Variants in FSTL4 observed in about 807,000 individuals in gnomAD.
FSTL4 encodes follistatin-related protein 4.
Under a neutral mutation model 78.2 loss-of-function variants are expected in FSTL4, and 28 were observed. The observed-to-expected ratio is 0.36, with a 90% CI of 0.27 to 0.49. FSTL4 has a LOEUF of 0.49. Ranked by LOEUF, FSTL4 falls within the 20% of genes least tolerant of loss-of-function variation. The pLI is 0.98. For missense variants in FSTL4, 922 were observed against 1,084.9 expected (o/e 0.85, Z 2.11); for synonymous variants, 422 against 440.5 (o/e 0.96, Z 0.53).
intron 7 of FSTL4, among the ~76,000 whole-genome samples, chr5:133,237,026 G>T (rs1445588631): frequency 6.6e-6 from 1 of 152,204 alleles, no homozygotes; most frequent in Non-Finnish European, 1.5e-5. Flanking sequence ...GGACTGTACA[G>T]GGCACCGAGC....
chr5:133,260,210 A>G (rs1752486329), intron 6 of FSTL4, among the ~76,000 whole-genome samples: 1 of 152,136 alleles, frequency 6.6e-6, no homozygotes. Flanking sequence ...CCCCTACTGC[A>G]TCCCTTCACC....
At chr5:133,599,229 G>A (rs1415894694) in intron 2 of FSTL4, among the ~76,000 whole-genome samples, 3 of 152,310 alleles carry the variant, frequency 2.0e-5, no homozygotes, top group South Asian at 2.1e-4. Context: ...AAGGCGGAAC[G>A]AAGCCACGGA....
chr5:133,555,622 A>T (rs2112932644), intron 3 of FSTL4, among the ~76,000 whole-genome samples: 2 of 152,300 alleles, frequency 1.3e-5, no homozygotes, highest in South Asian at 4.2e-4. Context: ...AAGGGGAAAA[A>T]AGTAATATGC....
intron 4 of FSTL4, among the ~76,000 whole-genome samples, chr5:133,318,784 T>C (rs1484672569): frequency 6.6e-5 from 10 of 152,222 alleles, no homozygotes; most frequent in Non-Finnish European, 1.3e-4. Context: ...TGCCCCATCC[T>C]TGCAGATCCC....
intron 3 of FSTL4, among the ~76,000 whole-genome samples, chr5:133,559,016 C>A (rs1190337645): frequency 6.6e-6 from 1 of 152,152 alleles, no homozygotes; most frequent in African/African-American, 2.4e-5. Context: ...ACAACACAAT[C>A]TTAAAATAAT....
chr5:133,600,978 C>T (rs1414851082), intron 2 of FSTL4, among the ~76,000 whole-genome samples: 1 of 152,196 alleles, frequency 6.6e-6, no homozygotes, highest in Non-Finnish European at 1.5e-5. Flanking sequence ...ATGGTTTGGA[C>T]TGTGAGTTAT....
chr5:133,253,835 C>T (rs376494306), intron 6 of FSTL4, among the ~76,000 whole-genome samples: 1 of 152,172 alleles, frequency 6.6e-6, no homozygotes, highest in Non-Finnish European at 1.5e-5. Flanking sequence ...CAGTCTTGAC[C>T]CTGCTGTGTC....
In FSTL4 at chr5:133,557,506, G is replaced by A. The variant is rs147313140; in HGVS notation, c.160+9680C>T. 7.9e-5 allele frequency among the ~76,000 whole-genome samples: 12 copies of A among 152,294 alleles called. No individual in the cohort carries two copies. In the East Asian group the frequency reaches 1.3e-3, roughly 17 times the overall value. On this transcript the variant is annotated intron_variant, in intron 3 of 15. Coordinates refer to ENST00000265342, the MANE Select transcript of FSTL4 (RefSeq NM_015082.2). ...CTCACTTCATGATATCCTGACCAGC[G>A]GTATGGCTGGTGACTTCAGGAAACC...
At chr5:133,555,948 C>T (rs1187504753) in intron 3 of FSTL4, among the ~76,000 whole-genome samples, 1 of 152,158 alleles carries the variant, frequency 6.6e-6, no homozygotes, top group African/African-American at 2.4e-5. Flanking sequence ...CCCCACAACG[C>T]ATTGCCCAGA....
At chr5:133,405,167 C>T (rs567180845) in intron 3 of FSTL4, among the ~76,000 whole-genome samples, 8 of 152,346 alleles carry the variant, frequency 5.3e-5, no homozygotes, top group African/African-American at 1.9e-4. Flanking sequence ...GTCAGTGCCC[C>T]CAGCACACGA....
At chr5:133,822,844 T>C in the FSTL4 span, among the ~76,000 whole-genome samples, 1 of 152,206 alleles carries the variant, frequency 6.6e-6, no homozygotes, top group Non-Finnish European at 1.5e-5. Context: ...GAGGTAATTC[T>C]GCCAGAAGTC....
chr5:133,771,842 C>T, the FSTL4 span, among the ~76,000 whole-genome samples: 93 of 152,252 alleles, frequency 6.1e-4, no homozygotes, highest in African/African-American at 1.6e-3. Flanking sequence ...ATCAGATGAA[C>T]CTGCAAACAA....
chr5:133,221,915 T>TG (rs1561626879), intron 11 of FSTL4, among the ~76,000 whole-genome samples: 15 of 135,616 alleles, frequency 1.1e-4, no homozygotes, highest in African/African-American at 4.3e-4. Context: ...TTTTTTTTTT[T>TG]TTTTTTTTTT....
At chr5:133,401,965 C>T (rs1205673240) in intron 3 of FSTL4, among the ~76,000 whole-genome samples, 2 of 151,900 alleles carry the variant, frequency 1.3e-5, no homozygotes, top group African/African-American at 2.4e-5. Context: ...AGGGAGGAAA[C>T]GTGGCATAAG....
At chr5:133,358,596 T>C (rs886368857) in intron 4 of FSTL4, among the ~76,000 whole-genome samples, 16 of 146,894 alleles carry the variant, frequency 1.1e-4, no homozygotes, top group African/African-American at 2.0e-4. Flanking sequence ...TATTTCTTTT[T>C]TTTTTTTTTT....
At chr5:133,475,948 G>C (rs1283089812) in intron 3 of FSTL4, among the ~76,000 whole-genome samples, 1 of 152,144 alleles carries the variant, frequency 6.6e-6, no homozygotes, top group East Asian at 1.9e-4. Context: ...AGAGGAGTCT[G>C]GGCGAATAAG....
intron 3 of FSTL4, among the ~76,000 whole-genome samples, chr5:133,435,221 G>A (rs976863844): frequency 3.3e-5 from 5 of 152,086 alleles, no homozygotes; most frequent in African/African-American, 4.8e-5. Context: ...GATTTTATGT[G>A]TTTTATTTAA....
At chr5:133,839,705 G>A in the FSTL4 span, among the ~76,000 whole-genome samples, 27 of 152,336 alleles carry the variant, frequency 1.8e-4, no homozygotes, top group Middle Eastern at 3.4e-3. Context: ...CCTTATGGGA[G>A]CTAAGTCATG....
chr5:133,229,931 A>AGGGAGCTTT (rs1751443774), intron 8 of FSTL4, among the ~76,000 whole-genome samples: 2 of 152,238 alleles, frequency 1.3e-5, no homozygotes, highest in Admixed American at 1.3e-4. Context: ...TCACTTCCAG[A>AGGGAGCTTT]GGGAGCTTTG....
Sources: gnomAD v4.1 joint callset for allele counts (sites outside exome capture counted in the v4.1 genomes callset) on GRCh38, gnomAD v4.1.1 for gene constraint, MANE v1.5 for transcripts, NCBI Gene and HGNC (gene_info 2026-07-23, HGNC 2026-07-21) for gene names.